Variants in DTNA observed in about 807,000 individuals in gnomAD.
The protein encoded by DTNA is dystrobrevin alpha.
Under a neutral mutation model 100.7 loss-of-function variants are expected in DTNA, and 43 were observed. The ratio of observed to expected loss-of-function variants is 0.43; its 90% CI spans 0.33 to 0.55. The LOEUF (loss-of-function observed/expected upper bound fraction) is 0.55, where lower values mean the gene tolerates loss of function less well. DTNA is among the 20% of genes least tolerant of loss of function. The pLI is 0.04. For missense variants in DTNA, 798 were observed against 953.9 expected, an observed-to-expected ratio of 0.84 and a Z score of 2.15; for synonymous variants, 349 against 347.9, an observed-to-expected ratio of 1.00 and a Z score of -0.04.
chr18:34,877,934 T>C, intron 19 of DTNA, 126 bp downstream of exon 19: 1 of 937,290 alleles, frequency 1.1e-6, no homozygotes, highest in Non-Finnish European at 1.6e-6. Flanking sequence ...ATGTGATATT[T>C]TGTTGGTCTA....
At chr18:34,575,136 T>A (rs1443891475) in intron 1 of DTNA, among the ~76,000 whole-genome samples, 1 of 152,214 alleles carries the variant, frequency 6.6e-6, no homozygotes, top group African/African-American at 2.4e-5. Context: ...TCCTGTAAGG[T>A]GAACTTCTTT....
intron 1 of DTNA, among the ~76,000 whole-genome samples, chr18:34,740,031 GGGAGCATCTCTGA>G (rs1486818458): frequency 6.6e-6 from 1 of 152,130 alleles, no homozygotes; most frequent in Non-Finnish European, 1.5e-5. Flanking sequence ...TCAGCTGGAA[GGGAGCATCTCTGA>G]GATTGATTCC....
At chr18:34,699,822 A>G (rs1342690347) in intron 1 of DTNA, among the ~76,000 whole-genome samples, 2 of 152,172 alleles carry the variant, frequency 1.3e-5, no homozygotes. Context: ...ATATTAGTCT[A>G]TGCTTTGTAT....
At chr18:34,814,778 C>T (rs1169578388) in intron 6 of DTNA, among the ~76,000 whole-genome samples, 1 of 151,946 alleles carries the variant, frequency 6.6e-6, no homozygotes, top group African/African-American at 2.4e-5. Flanking sequence ...TTTGAAATAT[C>T]CTATAGACTG....
intron 1 of DTNA, among the ~76,000 whole-genome samples, chr18:34,521,714 C>T (rs1001309323): frequency 6.6e-6 from 1 of 152,172 alleles, no homozygotes; most frequent in Non-Finnish European, 1.5e-5. Context: ...CACATCTCCG[C>T]GGCTTACTCT....
At position 34,815,920 on chromosome 18, in the gene DTNA, G is replaced by A. The variant is rs552069190; in HGVS notation, c.615G>A (p.Thr205=). 3.0e-5 allele frequency: 49 copies of A among 1,613,608 alleles called. 1 individual carries two copies. In the South Asian group the frequency reaches 4.3e-4, roughly 14 times the overall value. The change falls in exon 7 of 23, where the codon ACG becomes ACA. Residue 205 remains threonine, a synonymous_variant. Transcript: ENST00000444659. ...RSCFSQQKKV[T]LNGFLDTLMS... ...GTTTTTTTATGCAGAAAAAAGTCAC[G>A]TTAAATGGTTTCTTGGACACGCTTA...
chr18:34,887,332 T>C (rs2096930724), intron 22 of DTNA, among the ~76,000 whole-genome samples: 1 of 152,210 alleles, frequency 6.6e-6, no homozygotes, highest in Non-Finnish European at 1.5e-5. Flanking sequence ...TTACATCCTG[T>C]GGCCACATGG....
chr18:34,800,347 A>T (rs1451923917), intron 4 of DTNA, among the ~76,000 whole-genome samples: 1 of 152,186 alleles, frequency 6.6e-6, no homozygotes, highest in Non-Finnish European at 1.5e-5. Context: ...TTTATCTCCA[A>T]CATGTTGTGA....
intron 2 of DTNA, 31 bp downstream of exon 2, chr18:34,756,074 T>C: frequency 6.3e-7 from 1 of 1,599,052 alleles, no homozygotes; most frequent in Non-Finnish European, 8.6e-7. Context: ...GAACACCCTA[T>C]AGTTTCCATT....
chr18:34,872,035 G>A (rs1162154650), intron 17 of DTNA, among the ~76,000 whole-genome samples: 1 of 152,206 alleles, frequency 6.6e-6, no homozygotes, highest in Non-Finnish European at 1.5e-5. Flanking sequence ...TCACACATTG[G>A]TGTAATTTAG....
chr18:34,649,562 A>C (rs1479784950), intron 1 of DTNA, among the ~76,000 whole-genome samples: 1 of 152,152 alleles, frequency 6.6e-6, no homozygotes, highest in African/African-American at 2.4e-5. Flanking sequence ...TTTGAGCTAC[A>C]AGTTGTTGGA....
intron 1 of DTNA, among the ~76,000 whole-genome samples, chr18:34,494,172 C>G (rs1048764499): frequency 6.6e-6 from 1 of 151,980 alleles, no homozygotes; most frequent in African/African-American, 2.4e-5. Flanking sequence ...GTCATCCTCT[C>G]GGGCTGAGCT....
chr18:34,776,339 G>C (rs1376433110), intron 3 of DTNA, among the ~76,000 whole-genome samples: 3 of 151,980 alleles, frequency 2.0e-5, no homozygotes, highest in Non-Finnish European at 4.4e-5. Context: ...TAACATATGA[G>C]TATTTTCTTT....
rs566502005 is a variant in DTNA at position 34,837,542 on chromosome 18, A to G, written c.1176-552A>G. 1.6e-3 allele frequency among the ~76,000 whole-genome samples: 241 copies of G among 152,368 alleles called. 4 individuals carry two copies. In the South Asian group the frequency reaches 0.031, roughly 19 times the overall value. The stretch of plus-strand genomic sequence containing the variant: ...ATAAACATAAGAAATAACAATATAT[A>G]TGTATAAGACTCAAAGGTGTATTTC... On this transcript the variant is annotated intron_variant, in intron 11 of 22. Coordinates refer to ENST00000444659, the MANE Select transcript of DTNA (RefSeq NM_001386795.1).
At chr18:34,729,415 G>C (rs2087547924) in intron 1 of DTNA, among the ~76,000 whole-genome samples, 3 of 152,264 alleles carry the variant, frequency 2.0e-5, no homozygotes, top group Admixed American at 2.0e-4. Context: ...GTTTCTGTGT[G>C]TGAGAAATGG....
At chr18:34,811,819 A>G (rs2095491937) in intron 5 of DTNA, 140 bp from the exon 6 acceptor site, 5 of 994,150 alleles carry the variant, frequency 5.0e-6, no homozygotes, top group Non-Finnish European at 6.0e-6. Flanking sequence ...ATATTTCAGC[A>G]TAAAAATTAG....
intron 15 of DTNA, among the ~76,000 whole-genome samples, chr18:34,856,140 T>C (rs984666070): frequency 6.6e-6 from 1 of 152,234 alleles, no homozygotes; most frequent in Admixed American, 6.5e-5. Flanking sequence ...AGATTCATTC[T>C]GTCCCTGAGT....
At chr18:34,813,531 G>A (rs1208343267) in intron 6 of DTNA, among the ~76,000 whole-genome samples, 1 of 151,644 alleles carries the variant, frequency 6.6e-6, no homozygotes, top group African/African-American at 2.4e-5. Flanking sequence ...GAGTCAGGAA[G>A]TCTTTTCTTT....
chr18:34,618,052 C>T (rs2055684926), intron 1 of DTNA, among the ~76,000 whole-genome samples: 1 of 151,996 alleles, frequency 6.6e-6, no homozygotes, highest in African/African-American at 2.4e-5. Flanking sequence ...GCTGGGTCAC[C>T]AAATGTTAGA....
Sources: allele counts gnomAD v4.1 joint callset (sites outside exome capture counted in the v4.1 genomes callset), GRCh38; gene constraint gnomAD v4.1.1; transcripts MANE v1.5; gene names NCBI Gene and HGNC (gene_info 2026-07-23, HGNC 2026-07-21).